The following RANBP2 variants were observed in gnomAD, a reference collection of about 807,000 sequenced individuals.
RANBP2 encodes RAN binding protein 2, also known as E3 SUMO-protein ligase RanBP2.
Under a neutral mutation model 303.6 loss-of-function variants are expected in RANBP2, and 57 were observed. That is an observed-to-expected ratio of 0.19 (90% CI 0.15 to 0.23). The LOEUF (loss-of-function observed/expected upper bound fraction) is 0.23. Ranked by LOEUF, RANBP2 falls within the 10% of genes least tolerant of loss-of-function variation. RANBP2 has a pLI of 1.00. For synonymous variants in RANBP2, 1,167 were observed against 1,301.5 expected (o/e 0.90, Z 2.23); for missense variants, 3,138 against 3,780.8 (o/e 0.83, Z 4.46).
intron 18 of RANBP2, among the ~76,000 whole-genome samples, chr2:108,761,881 T>C (rs1676752934): frequency 6.6e-6 from 1 of 152,232 alleles, no homozygotes; most frequent in Non-Finnish European, 1.5e-5. Context: ...ATCACAGCAA[T>C]GCTATTCTCT....
chr2:108,800,638 TAA>T, the RANBP2 span, among the ~76,000 whole-genome samples: 74 of 73,658 alleles, frequency 1.0e-3, no homozygotes, highest in Middle Eastern at 0.012. Context: ...TTTTTTTTTT[TAA>T]TTATACTTTA....
chr2:108,998,628 A>G, the RANBP2 span, among the ~76,000 whole-genome samples: 1 of 152,196 alleles, frequency 6.6e-6, no homozygotes, highest in Non-Finnish European at 1.5e-5. Context: ...TGATTTATCT[A>G]AAATGCAAAC....
chr2:108,820,534 C>CG, the RANBP2 span, among the ~76,000 whole-genome samples: 1,535 of 152,088 alleles, frequency 0.01, 16 homozygotes, highest in Non-Finnish European at 0.013. Context: ...CCCCCTCTAA[C>CG]ATACATTATA....
chr2:108,850,599 G>A, the RANBP2 span, among the ~76,000 whole-genome samples: 1 of 151,776 alleles, frequency 6.6e-6, no homozygotes, highest in Non-Finnish European at 1.5e-5. Flanking sequence ...TTACAGGCAC[G>A]CACCACCACA....
the RANBP2 span, among the ~76,000 whole-genome samples, chr2:109,013,729 G>A: frequency 2.6e-5 from 4 of 151,730 alleles, no homozygotes; most frequent in Non-Finnish European, 4.4e-5. Flanking sequence ...ATAGGCACGC[G>A]CCACCACCCC....
At chr2:109,544,210 G>T in the RANBP2 span, 1 of 1,608,220 alleles carries the variant, frequency 6.2e-7, no homozygotes. Flanking sequence ...AAATATAGAA[G>T]TGATAAAACA....
At chr2:108,806,390 T>G in the RANBP2 span, among the ~76,000 whole-genome samples, 3 of 152,340 alleles carry the variant, frequency 2.0e-5, no homozygotes, top group Middle Eastern at 3.4e-3. Flanking sequence ...GGGGTGGATA[T>G]GTGGATTATT....
intron 19 of RANBP2, 98 bp from the exon 20 acceptor site, chr2:108,763,139 T>G (rs1373857995): frequency 6.8e-5 from 91 of 1,339,848 alleles, no homozygotes; most frequent in Non-Finnish European, 9.2e-5. Context: ...TCTTCTTCAC[T>G]TCATATTCAT....
the RANBP2 span, among the ~76,000 whole-genome samples, chr2:108,902,003 G>A: frequency 2.1e-3 from 316 of 152,242 alleles, 2 homozygotes; most frequent in African/African-American, 7.0e-3. Flanking sequence ...ACTTTGGGAG[G>A]CCAAAGCAGG....
the RANBP2 span, among the ~76,000 whole-genome samples, chr2:109,318,446 A>G: frequency 6.6e-6 from 1 of 152,158 alleles, no homozygotes; most frequent in African/African-American, 2.4e-5. Context: ...CTCCTCTCAA[A>G]GCCAGGGTGG....
At chr2:109,564,189 A>G in the RANBP2 span, 1 of 512,294 alleles carries the variant, frequency 2.0e-6, no homozygotes, top group East Asian at 3.4e-5. Flanking sequence ...AAGACTCTTC[A>G]AAAGCAAGAA....
the RANBP2 span, among the ~76,000 whole-genome samples, chr2:109,333,596 G>A: frequency 6.6e-6 from 1 of 152,158 alleles, no homozygotes; most frequent in Non-Finnish European, 1.5e-5. Context: ...TGCTACAATG[G>A]CAGAGTTGAA....
At chr2:109,509,383 T>C in the RANBP2 span, among the ~76,000 whole-genome samples, 5 of 152,236 alleles carry the variant, frequency 3.3e-5, no homozygotes, top group South Asian at 6.2e-4. Flanking sequence ...AAATATATTC[T>C]CTCAAAGTGC....
At chr2:109,163,979 T>TC in the RANBP2 span, among the ~76,000 whole-genome samples, 5 of 152,150 alleles carry the variant, frequency 3.3e-5, no homozygotes, top group Non-Finnish European at 7.3e-5. Flanking sequence ...GTCCTTCCCT[T>TC]CCCCCTACAT....
the RANBP2 span, among the ~76,000 whole-genome samples, chr2:109,271,903 G>A: frequency 1.3e-5 from 2 of 152,206 alleles, no homozygotes; most frequent in East Asian, 1.9e-4. Flanking sequence ...GATTCTAACC[G>A]CTACGCACAC....
chr2:109,200,671 C>G, the RANBP2 span, among the ~76,000 whole-genome samples: 1 of 152,140 alleles, frequency 6.6e-6, no homozygotes, highest in Non-Finnish European at 1.5e-5. Context: ...CTGGAGGCCT[C>G]TTTTCTCCTG....
the RANBP2 span, among the ~76,000 whole-genome samples, chr2:109,061,129 G>T: frequency 6.6e-6 from 1 of 152,022 alleles, no homozygotes; most frequent in African/African-American, 2.4e-5. Context: ...TGTAAAGTTT[G>T]TAGGTCAGAG....
chr2:109,663,633 A>C, the RANBP2 span, among the ~76,000 whole-genome samples: 1 of 152,228 alleles, frequency 6.6e-6, no homozygotes, highest in East Asian at 1.9e-4. Flanking sequence ...ACTCACAACT[A>C]TATTAGGAAG....
chr2:109,211,891 C>T, the RANBP2 span, among the ~76,000 whole-genome samples: 1 of 152,208 alleles, frequency 6.6e-6, no homozygotes, highest in Admixed American at 6.5e-5. Flanking sequence ...GATCCGCCCT[C>T]CTCGGCCTCC....
Sources: allele counts gnomAD v4.1 joint callset (sites outside exome capture counted in the v4.1 genomes callset), GRCh38; gene constraint gnomAD v4.1.1; transcripts MANE v1.5; gene names NCBI Gene and HGNC (gene_info 2026-07-23, HGNC 2026-07-21).